FOXN3: variants seen among roughly 807,000 people sequenced by gnomAD.
FOXN3 encodes forkhead box N3.
FOXN3 carries 7 observed loss-of-function variants against 38.4 expected under a neutral mutation model. The observed-to-expected ratio is 0.18, with a 90% CI of 0.10 to 0.34. FOXN3 has a LOEUF of 0.34. FOXN3 is among the 10% of genes least tolerant of loss of function. The pLI is 1.00. For missense variants in FOXN3, 456 were observed against 613.4 expected (o/e 0.74, Z 2.71); for synonymous variants, 230 against 242.2 (o/e 0.95, Z 0.47).
At chr14:89,209,516 C>T (rs1206868715) in intron 4 of FOXN3, among the ~76,000 whole-genome samples, 1 of 152,192 alleles carries the variant, frequency 6.6e-6, no homozygotes, top group Non-Finnish European at 1.5e-5. Flanking sequence ...ATTTACACAG[C>T]GGAGTGACGA....
At chr14:89,297,429 G>T (rs576909093) in intron 3 of FOXN3, among the ~76,000 whole-genome samples, 1 of 151,912 alleles carries the variant, frequency 6.6e-6, no homozygotes, top group Non-Finnish European at 1.5e-5. Flanking sequence ...GCGTGGTGGC[G>T]GGCGCCTGTA....
chr14:89,341,799 C>T (rs1249366848), intron 3 of FOXN3, among the ~76,000 whole-genome samples: 1 of 152,192 alleles, frequency 6.6e-6, no homozygotes, highest in Non-Finnish European at 1.5e-5. Context: ...TCAATTTCTC[C>T]TCCTCTGGGA....
chr14:89,175,300 A>G (rs1196743642), intron 5 of FOXN3, among the ~76,000 whole-genome samples: 1 of 152,192 alleles, frequency 6.6e-6, no homozygotes, highest in Non-Finnish European at 1.5e-5. Flanking sequence ...ATTTGGCAAC[A>G]AATAGGGTGA....
chr14:89,205,518 T>G (rs1888357862), intron 4 of FOXN3, among the ~76,000 whole-genome samples: 1 of 152,194 alleles, frequency 6.6e-6, no homozygotes, highest in South Asian at 2.1e-4. Flanking sequence ...CGTAAGCGGC[T>G]GGACGTTAAG....
intron 1 of FOXN3, among the ~76,000 whole-genome samples, chr14:89,492,263 C>T (rs1360569230): frequency 1.3e-5 from 2 of 152,160 alleles, no homozygotes; most frequent in African/African-American, 2.4e-5. Context: ...TGGGATCATG[C>T]AGCTTTCACA....
At chr14:89,597,184 A>T (rs1596328508) in intron 1 of FOXN3, among the ~76,000 whole-genome samples, 1 of 152,188 alleles carries the variant, frequency 6.6e-6, no homozygotes, top group African/African-American at 2.4e-5. Flanking sequence ...TTAATTTCCA[A>T]ATATTTTCTA....
intron 4 of FOXN3, among the ~76,000 whole-genome samples, chr14:89,259,006 T>C (rs1885714739): frequency 6.6e-6 from 1 of 152,218 alleles, no homozygotes; most frequent in Non-Finnish European, 1.5e-5. Flanking sequence ...TATCTGTTTC[T>C]CACTGCCTAT....
chr14:89,419,300 C>CT, upstream of FOXN3: 1 of 435,724 alleles, frequency 2.3e-6, no homozygotes, highest in Middle Eastern at 4.0e-4. Context: ...CAAAGGAGGG[C>CT]TTAATGTGGC....
intron 2 of FOXN3, among the ~76,000 whole-genome samples, chr14:89,369,344 AC>A (rs1890246325): frequency 6.6e-6 from 1 of 152,234 alleles, no homozygotes; most frequent in Admixed American, 6.5e-5. Flanking sequence ...CAACAGCAGC[AC>A]TGGCAGTAGT....
At chr14:89,497,956 T>C (rs1893719785) in intron 1 of FOXN3, among the ~76,000 whole-genome samples, 2 of 152,022 alleles carry the variant, frequency 1.3e-5, no homozygotes, top group African/African-American at 4.8e-5. Context: ...TCCTAATAGG[T>C]ATGAGGCAGT....
At chr14:89,580,831 A>T (rs34382038) in intron 1 of FOXN3, among the ~76,000 whole-genome samples, 4,885 of 152,228 alleles carry the variant, frequency 0.032, 125 homozygotes, top group Non-Finnish European at 0.049. Context: ...GTTTTTAGGG[A>T]CCTATTCCCC....
intron 1 of FOXN3, among the ~76,000 whole-genome samples, chr14:89,455,972 G>C (rs1484387504): frequency 6.6e-6 from 1 of 152,098 alleles, no homozygotes; most frequent in Non-Finnish European, 1.5e-5. Flanking sequence ...AAGGCGGGCA[G>C]ATCACGAGGT....
At chr14:89,378,247 C>T (rs957387156) in intron 2 of FOXN3, among the ~76,000 whole-genome samples, 1 of 152,164 alleles carries the variant, frequency 6.6e-6, no homozygotes, top group African/African-American at 2.4e-5. Context: ...CAGGATAGTA[C>T]GTGAGTGTGC....
At chr14:89,293,283 C>A (rs2139936629) in intron 3 of FOXN3, among the ~76,000 whole-genome samples, 1 of 152,328 alleles carries the variant, frequency 6.6e-6, no homozygotes, top group African/African-American at 2.4e-5. Context: ...GGCACGCTCT[C>A]CATGCTGCCC....
intron 3 of FOXN3, among the ~76,000 whole-genome samples, chr14:89,330,180 A>C (rs1888207630): frequency 6.6e-6 from 1 of 152,166 alleles, no homozygotes; most frequent in Admixed American, 6.5e-5. Flanking sequence ...GGGTGGCTGG[A>C]AGCACAAACC....
chr14:89,551,172 G>A (rs559828225), intron 1 of FOXN3, among the ~76,000 whole-genome samples: 1 of 152,342 alleles, frequency 6.6e-6, no homozygotes, highest in South Asian at 2.1e-4. Context: ...CACTGCAGCA[G>A]AAGGCAAAAG....
chr14:89,202,846 T>C (rs1386453462), intron 4 of FOXN3, among the ~76,000 whole-genome samples: 1 of 152,148 alleles, frequency 6.6e-6, no homozygotes, highest in Non-Finnish European at 1.5e-5. Flanking sequence ...ATGAGCCAGA[T>C]AAACCTCTTT....
upstream of FOXN3, chr14:89,419,332 T>C (rs1891843905): frequency 5.1e-6 from 2 of 392,198 alleles, no homozygotes; most frequent in Non-Finnish European, 1.0e-5. Context: ...TCTAATTCCA[T>C]AGAACCTCAG....
intron 4 of FOXN3, among the ~76,000 whole-genome samples, chr14:89,194,717 T>TAAA (rs36091299): frequency 0.24 from 34,627 of 146,788 alleles, 4,042 homozygotes; most frequent in East Asian, 0.28. Context: ...GTGCTCACTG[T>TAAA]AAAAAAAAAA....
Sources: allele counts gnomAD v4.1 joint callset (sites outside exome capture counted in the v4.1 genomes callset), GRCh38; gene constraint gnomAD v4.1.1; transcripts MANE v1.5; gene names NCBI Gene and HGNC (gene_info 2026-07-23, HGNC 2026-07-21).